GRIN2A: variants seen among roughly 807,000 people sequenced by gnomAD.
The protein encoded by GRIN2A is glutamate ionotropic receptor NMDA type subunit 2A.
Under a neutral mutation model 113.4 loss-of-function variants are expected in GRIN2A, and 22 were observed. The observed-to-expected ratio is 0.19, with a 90% confidence interval of 0.14 to 0.28. The LOEUF (loss-of-function observed/expected upper bound fraction) is 0.28. Among genes scored for constraint, GRIN2A ranks in the 10% least tolerant of loss-of-function variants. The pLI is 1.00. For missense variants in GRIN2A, 1,502 were observed against 1,887.0 expected (o/e 0.80, Z 3.78); for synonymous variants, 827 against 738.4 (o/e 1.12, Z -1.94).
At chr16:10,060,993 A>G (rs1267920544) in intron 2 of GRIN2A, among the ~76,000 whole-genome samples, 3 of 152,244 alleles carry the variant, frequency 2.0e-5, no homozygotes, top group Non-Finnish European at 2.9e-5. Flanking sequence ...AGTTTAATTC[A>G]GAAACAATGT....
At chr16:9,932,675 G>A (rs542386303) in intron 3 of GRIN2A, among the ~76,000 whole-genome samples, 3 of 152,104 alleles carry the variant, frequency 2.0e-5, no homozygotes, top group South Asian at 2.1e-4. Flanking sequence ...GAGCCACCAC[G>A]CCCGGCCTAA....
At chr16:10,168,717 G>A (rs1054298090) in intron 2 of GRIN2A, among the ~76,000 whole-genome samples, 18 of 152,152 alleles carry the variant, frequency 1.2e-4, no homozygotes, top group African/African-American at 4.3e-4. Flanking sequence ...CTGTAGTCCA[G>A]CACTTTAGGA....
intron 2 of GRIN2A, among the ~76,000 whole-genome samples, chr16:10,146,392 A>G (rs1273029494): frequency 1.3e-5 from 2 of 152,156 alleles, no homozygotes; most frequent in Non-Finnish European, 1.5e-5. Flanking sequence ...TGCATGAGCC[A>G]CCACGCCCAG....
intron 4 of GRIN2A, among the ~76,000 whole-genome samples, chr16:9,874,186 T>C (rs1264727863): frequency 3.9e-5 from 6 of 152,198 alleles, no homozygotes; most frequent in Non-Finnish European, 5.9e-5. Context: ...GAATTATAAT[T>C]TAAATGGAAG....
intron 3 of GRIN2A, among the ~76,000 whole-genome samples, chr16:9,924,785 A>G (rs564644724): frequency 3.6e-4 from 54 of 152,094 alleles, no homozygotes; most frequent in Non-Finnish European, 7.8e-4. Flanking sequence ...TTTCTTCTTC[A>G]ATGTCAAACC....
At chr16:9,927,729 G>A (rs1242995866) in intron 3 of GRIN2A, among the ~76,000 whole-genome samples, 3 of 152,194 alleles carry the variant, frequency 2.0e-5, no homozygotes, top group African/African-American at 7.2e-5. Context: ...AAATATATAT[G>A]CTTAGATAAT....
At chr16:10,087,332 T>C (rs1243911857) in intron 2 of GRIN2A, among the ~76,000 whole-genome samples, 2 of 152,250 alleles carry the variant, frequency 1.3e-5, no homozygotes, top group African/African-American at 2.4e-5. Context: ...ACAATTGGAA[T>C]CCTCGCCAAT....
At chr16:9,793,529 T>G (rs1374623292) in intron 11 of GRIN2A, among the ~76,000 whole-genome samples, 2 of 152,008 alleles carry the variant, frequency 1.3e-5, no homozygotes, top group African/African-American at 4.8e-5. Context: ...AGTGTTACCT[T>G]TTAGGGACCA....
chr16:10,174,452 T>C (rs2050104857), intron 2 of GRIN2A, among the ~76,000 whole-genome samples: 1 of 152,196 alleles, frequency 6.6e-6, no homozygotes, highest in South Asian at 2.1e-4. Context: ...AAAGAACATA[T>C]GTGAACATCC....
intron 2 of GRIN2A, among the ~76,000 whole-genome samples, chr16:10,150,569 C>T (rs891568326): frequency 1.3e-5 from 2 of 152,162 alleles, no homozygotes; most frequent in African/African-American, 4.8e-5. Flanking sequence ...TGATCACTCT[C>T]CTGCAGCCAT....
intron 2 of GRIN2A, among the ~76,000 whole-genome samples, chr16:9,980,562 C>T (rs1003691462): frequency 1.3e-5 from 2 of 152,040 alleles, no homozygotes; most frequent in Admixed American, 6.5e-5. Context: ...GTACTATTCA[C>T]AATAGCAAAG....
intron 4 of GRIN2A, among the ~76,000 whole-genome samples, chr16:9,865,521 C>T (rs2043147727): frequency 6.6e-6 from 1 of 152,184 alleles, no homozygotes; most frequent in African/African-American, 2.4e-5. Flanking sequence ...AACTATGATA[C>T]TTATGAGCTA....
intron 2 of GRIN2A, among the ~76,000 whole-genome samples, chr16:10,083,570 G>A (rs970241492): frequency 6.6e-6 from 1 of 152,158 alleles, no homozygotes; most frequent in Non-Finnish European, 1.5e-5. Context: ...TGCTACTCCT[G>A]TCTGCATCCT....
intron 4 of GRIN2A, among the ~76,000 whole-genome samples, chr16:9,857,024 T>C (rs2042980661): frequency 6.6e-6 from 1 of 152,228 alleles, no homozygotes; most frequent in Non-Finnish European, 1.5e-5. Flanking sequence ...TGGCGTGGTG[T>C]TCTACCTGTG....
intron 4 of GRIN2A, among the ~76,000 whole-genome samples, chr16:9,860,984 T>C (rs188166886): frequency 6.6e-6 from 1 of 152,352 alleles, no homozygotes; most frequent in Admixed American, 6.5e-5. Context: ...AAAGGGAAGT[T>C]GCCTGTTTAC....
intron 10 of GRIN2A, among the ~76,000 whole-genome samples, chr16:9,821,903 C>G (rs1424591109): frequency 1.3e-5 from 2 of 152,222 alleles, no homozygotes; most frequent in Admixed American, 6.5e-5. Context: ...CAGAAAACCT[C>G]CTACCTAAAA....
chr16:9,825,843 C>G (rs370386582), intron 9 of GRIN2A, among the ~76,000 whole-genome samples: 3 of 152,114 alleles, frequency 2.0e-5, no homozygotes, highest in Non-Finnish European at 4.4e-5. Context: ...CTGGGCTCAT[C>G]CACTGAGAGC....
At chr16:10,125,691 C>T (rs551344933) in intron 2 of GRIN2A, among the ~76,000 whole-genome samples, 30 of 151,962 alleles carry the variant, frequency 2.0e-4, no homozygotes, top group African/African-American at 6.5e-4. Context: ...TGCTAAGCCC[C>T]AGGCCTACAG....
intron 3 of GRIN2A, among the ~76,000 whole-genome samples, chr16:9,917,508 G>A (rs975460991): frequency 6.6e-6 from 1 of 152,132 alleles, no homozygotes; most frequent in Non-Finnish European, 1.5e-5. Flanking sequence ...GGATAATATC[G>A]CCTACCTCAC....
Sources: gnomAD v4.1 joint callset for allele counts (sites outside exome capture counted in the v4.1 genomes callset) on GRCh38, gnomAD v4.1.1 for gene constraint, MANE v1.5 for transcripts, NCBI Gene and HGNC (gene_info 2026-07-23, HGNC 2026-07-21) for gene names.